The following FAM3C variants were observed in gnomAD, a reference collection of about 807,000 sequenced individuals.
The protein encoded by FAM3C is protein FAM3C.
In FAM3C, 15 loss-of-function variants were observed where a neutral mutation model predicts 32.5. The observed-to-expected ratio is 0.46, with a 90% CI of 0.31 to 0.71. FAM3C has a LOEUF of 0.71. Ranked by LOEUF, FAM3C falls within the 30% of genes least tolerant of loss-of-function variation. FAM3C has a pLI of 0.05. For synonymous variants in FAM3C, 75 were observed against 86.1 expected, an observed-to-expected ratio of 0.87 and a Z score of 0.72; for missense variants, 175 against 274.4, an observed-to-expected ratio of 0.64 and a Z score of 2.56.
intron 5 of FAM3C, among the ~76,000 whole-genome samples, chr7:121,367,888 T>A (rs1794054544): frequency 6.6e-6 from 1 of 151,716 alleles, no homozygotes; most frequent in Non-Finnish European, 1.5e-5. Flanking sequence ...ATCGCTTGAG[T>A]CCAGGCATTC....
chr7:121,380,398 A>G (rs908908958), intron 2 of FAM3C: 1 of 152,202 alleles, frequency 6.6e-6, no homozygotes, highest in African/African-American at 2.4e-5. Flanking sequence ...ATACAGCAGC[A>G]TGGATGAAGC....
intron 2 of FAM3C, among the ~76,000 whole-genome samples, chr7:121,379,919 C>T (rs186707495): frequency 2.5e-4 from 38 of 152,300 alleles, no homozygotes; most frequent in African/African-American, 9.1e-4. Context: ...AACTATAATA[C>T]TAATCAATCC....
At chr7:121,351,887 G>C (rs543998702) in intron 8 of FAM3C, among the ~76,000 whole-genome samples, 1 of 152,056 alleles carries the variant, frequency 6.6e-6, no homozygotes, top group Admixed American at 6.5e-5. Flanking sequence ...CAACCACCAG[G>C]GAAACTACTA....
intron 8 of FAM3C, among the ~76,000 whole-genome samples, chr7:121,354,557 A>G (rs141463189): frequency 6.6e-6 from 1 of 152,312 alleles, no homozygotes; most frequent in East Asian, 1.9e-4. Flanking sequence ...CTACAGTTGC[A>G]CCATCAAACC....
At chr7:121,380,359 A>T (rs1794325160) in intron 2 of FAM3C, 1 of 152,156 alleles carries the variant, frequency 6.6e-6, no homozygotes, top group Non-Finnish European at 1.5e-5. Flanking sequence ...ATACCAAGCT[A>T]AATGTAAGCC....
At chr7:121,382,185 G>C (rs2116946661) in intron 2 of FAM3C, among the ~76,000 whole-genome samples, 1 of 152,250 alleles carries the variant, frequency 6.6e-6, no homozygotes, top group South Asian at 2.1e-4. Context: ...CACAGGAAGA[G>C]GTCATCAGCC....
chr7:121,360,298 G>A (rs1404699862), intron 7 of FAM3C, among the ~76,000 whole-genome samples, 171 bp from the exon 8 acceptor site: 2 of 152,114 alleles, frequency 1.3e-5, no homozygotes, highest in African/African-American at 2.4e-5. Context: ...TGTTAAATTT[G>A]TCCCTTAACA....
chr7:121,393,457 A>G (rs1283148458), intron 1 of FAM3C, among the ~76,000 whole-genome samples: 1 of 152,212 alleles, frequency 6.6e-6, no homozygotes, highest in Non-Finnish European at 1.5e-5. Flanking sequence ...TTTAAAAATA[A>G]AATGAAAAAT....
intron 1 of FAM3C, among the ~76,000 whole-genome samples, chr7:121,395,332 G>C (rs937945876): frequency 6.7e-6 from 1 of 150,204 alleles, no homozygotes; most frequent in Non-Finnish European, 1.5e-5. Context: ...TATATATATG[G>C]ATACATACAC....
At position 121,360,142 on chromosome 7, in the gene FAM3C, A is replaced by G. The variant is rs1445007165; in HGVS notation, c.383-15T>C. The G allele has an allele frequency of 7.1e-7, 1 of 1,405,724 alleles. No homozygotes were observed. Among genetic ancestry groups the G allele is most frequent in the South Asian group, 1.2e-5 (1 of 85,796 alleles). The allele number at this position is 1,405,724 out of a possible 1,614,324, so 87.1% of individuals were successfully genotyped here. On this transcript the variant is annotated splice_polypyrimidine_tract_variant and intron_variant, in intron 7 of 9. Coordinates refer to ENST00000359943, the MANE Select transcript of FAM3C (RefSeq NM_014888.3). ...TGGTGCCACATCTGAAGAAAAAGAA[A>G]GGGTTTAGGGTTTTAAAAAATGACT...
At chr7:121,366,695 C>T (rs1320580426) in intron 5 of FAM3C, among the ~76,000 whole-genome samples, 2 of 152,078 alleles carry the variant, frequency 1.3e-5, no homozygotes, top group African/African-American at 2.4e-5. Flanking sequence ...GCAAAATGGA[C>T]GGCATGTGAA....
At chr7:121,373,353 T>G (rs79589991) in intron 3 of FAM3C, among the ~76,000 whole-genome samples, 2,807 of 152,296 alleles carry the variant, frequency 0.018, 36 homozygotes, top group Non-Finnish European at 0.029. Context: ...AGCCCTGTAC[T>G]AAGTCTGCAA....
At chr7:121,391,607 T>C (rs1438530723) in intron 1 of FAM3C, among the ~76,000 whole-genome samples, 4 of 152,182 alleles carry the variant, frequency 2.6e-5, no homozygotes, top group African/African-American at 9.7e-5. Flanking sequence ...ACTCTACTTA[T>C]GCTGTTTTGA....
At chr7:121,367,276 A>C (rs1794040286) in intron 5 of FAM3C, among the ~76,000 whole-genome samples, 1 of 152,236 alleles carries the variant, frequency 6.6e-6, no homozygotes, top group Non-Finnish European at 1.5e-5. Context: ...TGTTTCAAAT[A>C]GCTACTTCAT....
At chr7:121,382,801 G>A (rs1341622762) in intron 2 of FAM3C, among the ~76,000 whole-genome samples, 156 bp downstream of exon 2, 1 of 151,774 alleles carries the variant, frequency 6.6e-6, no homozygotes, top group Non-Finnish European at 1.5e-5. Flanking sequence ...TCCAATTTGT[G>A]ATTTGCCAAC....
At chr7:121,372,330 T>G (rs1794165750) in intron 3 of FAM3C, among the ~76,000 whole-genome samples, 191 bp from the exon 4 acceptor site, 1 of 152,204 alleles carries the variant, frequency 6.6e-6, no homozygotes, top group South Asian at 2.1e-4. Flanking sequence ...ATTAAATAAT[T>G]ATGGAGGATA....
chr7:121,390,610 A>G (rs763152428), intron 1 of FAM3C, among the ~76,000 whole-genome samples: 1 of 152,060 alleles, frequency 6.6e-6, no homozygotes, highest in Non-Finnish European at 1.5e-5. Context: ...ATGAAACATC[A>G]TATGTTCTTT....
intron 5 of FAM3C, among the ~76,000 whole-genome samples, chr7:121,365,702 A>AAATAAAGACAG (rs1367077168): frequency 6.6e-6 from 1 of 152,152 alleles, no homozygotes; most frequent in East Asian, 1.9e-4. Context: ...TCAACATACC[A>AAATAAAGACAG]AATAAAGACA....
chr7:121,357,088 T>A (rs1328857987), intron 8 of FAM3C, among the ~76,000 whole-genome samples: 1 of 152,152 alleles, frequency 6.6e-6, no homozygotes, highest in African/African-American at 2.4e-5. Flanking sequence ...TATGTACTTG[T>A]AAAGGACAGG....
Sources: allele counts gnomAD v4.1 joint callset (sites outside exome capture counted in the v4.1 genomes callset), GRCh38; gene constraint gnomAD v4.1.1; transcripts MANE v1.5; gene names NCBI Gene and HGNC (gene_info 2026-07-23, HGNC 2026-07-21).